Variants in IFT140 observed in about 807,000 individuals in gnomAD.
IFT140 encodes the protein intraflagellar transport protein 140 homolog.
A neutral mutation model predicts 164.6 loss-of-function variants in IFT140; 133 were observed. The observed-to-expected ratio is 0.81, with a 90% confidence interval of 0.70 to 0.93. The LOEUF (loss-of-function observed/expected upper bound fraction) is 0.93. IFT140 is among the 40% of genes least tolerant of loss of function. The pLI is 0.00. For missense variants in IFT140, 2,045 were observed against 1,972.3 expected, an observed-to-expected ratio of 1.04 and a Z score of -0.70; for synonymous variants, 860 against 817.3, an observed-to-expected ratio of 1.05 and a Z score of -0.89.
chr16:1,566,404 C>A, intron 15 of IFT140, 113 bp from the exon 16 acceptor site: 1 of 937,176 alleles, frequency 1.1e-6, no homozygotes, highest in Non-Finnish European at 1.6e-6. Flanking sequence ...CCAGTGTCAC[C>A]AAGTCCACAG....
intron 19 of IFT140, among the ~76,000 whole-genome samples, chr16:1,536,595 C>T (rs2294625): frequency 0.067 from 10,227 of 152,268 alleles, 584 homozygotes; most frequent in Admixed American, 0.19. Context: ...ACAGGCTCAA[C>T]GGGTAACTTT....
At chr16:1,537,897 C>G (rs1157552906) in intron 19 of IFT140, among the ~76,000 whole-genome samples, 5 of 152,174 alleles carry the variant, frequency 3.3e-5, no homozygotes, top group Non-Finnish European at 7.3e-5. Context: ...CAAACGGGCA[C>G]GTAAGACCCT....
chr16:1,558,245 G>C, intron 18 of IFT140, 111 bp from the exon 19 acceptor site: 2 of 1,053,086 alleles, frequency 1.9e-6, no homozygotes, highest in Non-Finnish European at 1.4e-6. Flanking sequence ...TCCCTCTGCA[G>C]ACAGACAGAT....
rs540751784 is a variant in IFT140 at position 1,524,136 on chromosome 16, C to T, written c.3142-180G>A. The T allele has an allele frequency of 9.9e-5, 79 of 797,786 alleles. No homozygotes were observed. In the African/African-American group the frequency reaches 1.0e-3, roughly 11 times the overall value. 49.4% of individuals were successfully genotyped at this position (797,786 alleles called of 1,614,324 possible). On this transcript the variant is annotated intron_variant, in intron 24 of 30. Coordinates refer to ENST00000426508, the MANE Select transcript of IFT140 (RefSeq NM_014714.4). ...ACTGGGTTTGTCTACAAGGATTTTCCGATGCTCTGGGTTCTATTTCACAGA... is the reference window on the plus strand; with the variant it reads ...ACTGGGTTTGTCTACAAGGATTTTCTGATGCTCTGGGTTCTATTTCACAGA...
chr16:1,512,822 C>T (rs940224761), intron 30 of IFT140, among the ~76,000 whole-genome samples: 10 of 152,122 alleles, frequency 6.6e-5, no homozygotes, highest in African/African-American at 2.4e-4. Context: ...AAAAAGAAAC[C>T]TTGTTAGGAT....
intron 30 of IFT140, among the ~76,000 whole-genome samples, chr16:1,511,504 C>T (rs1190033788): frequency 1.3e-5 from 2 of 152,152 alleles, no homozygotes; most frequent in Admixed American, 1.3e-4. Context: ...GCCCCGCGTT[C>T]TGCACTCGAG....
intron 14 of IFT140, among the ~76,000 whole-genome samples, chr16:1,569,043 T>C (rs577338656): frequency 1.2e-3 from 180 of 150,942 alleles, no homozygotes; most frequent in Non-Finnish European, 1.2e-3. Context: ...CTCGCCCTGT[T>C]GCCCAGGCTG....
chr16:1,515,115 C>A (rs12597753), intron 30 of IFT140, among the ~76,000 whole-genome samples: 7,199 of 152,154 alleles, frequency 0.047, 437 homozygotes, highest in East Asian at 0.18. Flanking sequence ...GAAGACCTAA[C>A]ATTTAATTGG....
intron 19 of IFT140, among the ~76,000 whole-genome samples, chr16:1,535,094 CAAG>C (rs1191879466): frequency 2.0e-5 from 3 of 151,816 alleles, no homozygotes; most frequent in Non-Finnish European, 4.4e-5. Context: ...GTAAAATAAA[CAAG>C]AAGTTTAAAA....
intron 13 of IFT140, chr16:1,576,620 T>A (rs1430156319): frequency 6.6e-6 from 1 of 151,690 alleles, no homozygotes; most frequent in Admixed American, 6.6e-5. Flanking sequence ...TTTTGACTTT[T>A]TTTTGGAGAT....
intron 4 of IFT140, among the ~76,000 whole-genome samples, chr16:1,599,223 G>A (rs1338817530): frequency 7.4e-5 from 6 of 81,206 alleles, no homozygotes; most frequent in African/African-American, 1.5e-4. Context: ...CCCGGCAGCT[G>A]CCCCGTCTGA....
chr16:1,514,365 A>G (rs1567317241), intron 30 of IFT140: 2 of 150,774 alleles, frequency 1.3e-5, no homozygotes, highest in Admixed American at 6.6e-5. Flanking sequence ...GCGACACTCC[A>G]TCTCAAATAA....
intron 19 of IFT140, among the ~76,000 whole-genome samples, chr16:1,529,465 A>C (rs1020664066): frequency 2.0e-5 from 3 of 152,186 alleles, no homozygotes; most frequent in Admixed American, 1.3e-4. Flanking sequence ...GGTGAAGGTG[A>C]CACCGGGTGC....
chr16:1,564,154 AG>A lies in IFT140; in HGVS notation c.1909del (p.Leu637SerfsTer7), dbSNP rs1567376400. 2.5e-6 allele frequency: 4 copies of A among 1,572,228 alleles called. No homozygotes were observed. Among genetic ancestry groups the A allele is most frequent in the Non-Finnish European group, 3.5e-6 (4 of 1,150,450 alleles). ...ATTTTTCAGTCCCTCATCCACAAAG[AG>A]GTGGCTCCTAAAAGACAAAGGAAGA... ...FNEQETNKSH[L>X]FVDEGLKNYV... On this transcript the variant is annotated frameshift_variant, in exon 17 of 31. Coordinates refer to ENST00000426508, the MANE Select transcript of IFT140 (RefSeq NM_014714.4). LOFTEE classifies it high-confidence loss of function. The surrounding 1 kb of genome is among the most constrained non-coding windows in gnomAD (Gnocchi z 5.5).
At position 1,553,322 on chromosome 16, in the gene IFT140, C is replaced by G. The variant is rs1274443933; in HGVS notation, c.2399+4613G>C. 1 of 985,154 alleles carries G rather than the reference C, an allele frequency of 1.0e-6. No homozygotes were observed. Among genetic ancestry groups the G allele is most frequent in the Admixed American group, 6.1e-5 (1 of 16,262 alleles). 61.0% of individuals were successfully genotyped at this position (985,154 alleles called of 1,614,324 possible). ...TCTCTGTGTCTCTGTCTCTGTGTCT[C>G]TGTCCCTGTGTCTCTTTTTCTCCCA... On this transcript the variant is annotated intron_variant, in intron 19 of 30. Coordinates refer to ENST00000426508, the MANE Select transcript of IFT140 (RefSeq NM_014714.4). The surrounding 1 kb of genome is among the most constrained non-coding windows in gnomAD (Gnocchi z 4.4).
intron 12 of IFT140, among the ~76,000 whole-genome samples, 188 bp from the exon 13 acceptor site, chr16:1,581,038 G>A (rs914310329): frequency 1.4e-4 from 21 of 152,178 alleles, no homozygotes; most frequent in Non-Finnish European, 2.6e-4. Context: ...TCGTGGCCAC[G>A]GCTAGCAGTG....
chr16:1,600,242 T>G (rs1161377243), intron 4 of IFT140, among the ~76,000 whole-genome samples: 1 of 145,828 alleles, frequency 6.9e-6, no homozygotes, highest in East Asian at 2.0e-4. Flanking sequence ...GTTAAACAGA[T>G]GCTTGAAGGC....
At position 1,531,289 on chromosome 16, in the gene IFT140, G is replaced by A. The variant is rs1441610120; in HGVS notation, c.2400-4493C>T. On this transcript the variant is annotated intron_variant, in intron 19 of 30. Transcript: ENST00000426508. The surrounding 1 kb of genome is among the most constrained non-coding windows in gnomAD (Gnocchi z 4.7). ...CCCCGAGGCACTGGAACAAGAAGCA[G>A]ATGGGCGGCAGGGGACGCAGCCTTC... 1 of 152,282 alleles carries A rather than the reference G, an allele frequency of 6.6e-6. No homozygotes were observed. Among genetic ancestry groups the A allele is most frequent in the Non-Finnish European group, 1.5e-5 (1 of 68,082 alleles). 9.4% of individuals were successfully genotyped at this position (152,282 alleles called of 1,614,324 possible).
At chr16:1,608,842 A>G (rs954744709) in intron 2 of IFT140, among the ~76,000 whole-genome samples, 2 of 152,096 alleles carry the variant, frequency 1.3e-5, no homozygotes, top group Non-Finnish European at 2.9e-5. Context: ...CAGTCTCCCA[A>G]GTAGCTGGGA....
Sources: gnomAD v4.1 joint callset for allele counts (sites outside exome capture counted in the v4.1 genomes callset) on GRCh38, gnomAD v4.1.1 for gene constraint, Gnocchi (gnomAD v3.1) non-coding constraint, MANE v1.5 for transcripts, NCBI Gene and HGNC (gene_info 2026-07-23, HGNC 2026-07-21) for gene names.